Variants in NRXN1 observed in about 807,000 individuals in gnomAD.
NRXN1 encodes neurexin-1.
Under a neutral mutation model 150.9 loss-of-function variants are expected in NRXN1, and 39 were observed. The observed-to-expected ratio is 0.26, with a 90% CI of 0.20 to 0.34. The LOEUF (loss-of-function observed/expected upper bound fraction) is 0.34. Ranked by LOEUF, NRXN1 falls within the 10% of genes least tolerant of loss-of-function variation. NRXN1 has a pLI of 1.00. For synonymous variants in NRXN1, 924 were observed against 757.0 expected, an observed-to-expected ratio of 1.22 and a Z score of -3.62; for missense variants, 1,815 against 1,949.9, an observed-to-expected ratio of 0.93 and a Z score of 1.30.
intron 22 of NRXN1, among the ~76,000 whole-genome samples, chr2:49,926,652 AGT>A (rs894799777): frequency 2.0e-5 from 3 of 152,244 alleles, no homozygotes; most frequent in African/African-American, 4.8e-5. Context: ...TCCATTAAAA[AGT>A]AAAAAAAAAT....
At chr2:50,850,380 A>T (rs1674344632) in intron 5 of NRXN1, among the ~76,000 whole-genome samples, 1 of 152,212 alleles carries the variant, frequency 6.6e-6, no homozygotes, top group Non-Finnish European at 1.5e-5. Context: ...TTGGTGGTCA[A>T]AATATTTTTC....
At chr2:50,562,300 ATAGAT>A (rs1240441612) in intron 8 of NRXN1, among the ~76,000 whole-genome samples, 2 of 151,476 alleles carry the variant, frequency 1.3e-5, no homozygotes, top group East Asian at 1.9e-4. Context: ...TGTATTATAG[ATAGAT>A]TAGACAAATA....
chr2:49,997,517 G>GT (rs899456556), intron 21 of NRXN1, among the ~76,000 whole-genome samples: 3 of 152,028 alleles, frequency 2.0e-5, no homozygotes, highest in African/African-American at 7.2e-5. Flanking sequence ...AAGTTTCTTG[G>GT]TTTTTGAAAT....
At chr2:50,115,184 T>C (rs1175031310) in intron 18 of NRXN1, among the ~76,000 whole-genome samples, 2 of 142,520 alleles carry the variant, frequency 1.4e-5, no homozygotes, top group Non-Finnish European at 3.1e-5. Flanking sequence ...CTCTAAAGAA[T>C]AAAACTTACA....
At chr2:50,600,166 C>A (rs59198531) in intron 8 of NRXN1, among the ~76,000 whole-genome samples, 4,067 of 151,918 alleles carry the variant, frequency 0.027, 121 homozygotes, top group East Asian at 0.072. Flanking sequence ...AATAAGGATG[C>A]ACATAATGTA....
intron 5 of NRXN1, among the ~76,000 whole-genome samples, chr2:50,791,176 A>G (rs1024910241): frequency 5.3e-5 from 8 of 151,244 alleles, no homozygotes; most frequent in African/African-American, 1.9e-4. Flanking sequence ...TGTAACTAAG[A>G]GTGAAATCTT....
chr2:50,562,995 T>G (rs1439857246), intron 8 of NRXN1, among the ~76,000 whole-genome samples: 1 of 152,050 alleles, frequency 6.6e-6, no homozygotes, highest in Non-Finnish European at 1.5e-5. Flanking sequence ...TTTCGCACGT[T>G]TTTTCCTTAT....
In NRXN1 at chr2:50,897,932, AAACAT is replaced by A. The variant is rs750910164; in HGVS notation, c.832+23932_832+23936del. Among the ~76,000 whole-genome samples, 319 of 130,962 alleles carry A rather than the reference AAACAT, an allele frequency of 2.4e-3. 1 individual carries two copies. Among genetic ancestry groups the A allele is most frequent in the African/African-American group, 7.2e-3 (280 of 38,894 alleles). 85.9% of individuals were successfully genotyped at this position (130,962 alleles called of 152,430 possible). Reference sequence around the variant, plus strand: ...CATAAAATTGATGATAGCAAAAACAAAACATAATAGTCATAATTGATCAGAATGGA... The same window carrying A: ...CATAAAATTGATGATAGCAAAAACAAAATAGTCATAATTGATCAGAATGGA... On this transcript the variant is annotated intron_variant, in intron 5 of 22. Transcript: ENST00000401669.
At chr2:50,844,152 T>G (rs1372073222) in intron 5 of NRXN1, among the ~76,000 whole-genome samples, 3 of 152,130 alleles carry the variant, frequency 2.0e-5, no homozygotes, top group Admixed American at 6.5e-5. Context: ...GGGTGTCTGG[T>G]GAGCAGGCAC....
At chr2:50,706,159 A>G (rs1267608393) in intron 5 of NRXN1, among the ~76,000 whole-genome samples, 1 of 152,114 alleles carries the variant, frequency 6.6e-6, no homozygotes, top group African/African-American at 2.4e-5. Flanking sequence ...ATTTTACAAA[A>G]ACTATGGTTA....
At chr2:50,337,866 T>C (rs1161315511) in intron 17 of NRXN1, among the ~76,000 whole-genome samples, 2 of 152,204 alleles carry the variant, frequency 1.3e-5, no homozygotes, top group African/African-American at 2.4e-5. Flanking sequence ...ATGTTAACAG[T>C]ACAAATAGAC....
At chr2:50,583,415 A>G (rs1027003921) in intron 8 of NRXN1, among the ~76,000 whole-genome samples, 1 of 152,134 alleles carries the variant, frequency 6.6e-6, no homozygotes, top group Non-Finnish European at 1.5e-5. Context: ...ACCGTTCCCT[A>G]AAATCCTCCT....
intron 21 of NRXN1, among the ~76,000 whole-genome samples, chr2:50,021,360 G>A (rs752860693): frequency 5.9e-5 from 9 of 152,152 alleles, no homozygotes; most frequent in Non-Finnish European, 1.2e-4. Flanking sequence ...TATATAGCTA[G>A]TATAGCAGGA....
intron 2 of NRXN1, among the ~76,000 whole-genome samples, chr2:50,936,207 C>T (rs1329875315): frequency 6.6e-6 from 1 of 152,184 alleles, no homozygotes; most frequent in African/African-American, 2.4e-5. Flanking sequence ...GCACCATGCT[C>T]TAACCAACTG....
At chr2:50,573,359 T>G (rs1670937557) in intron 8 of NRXN1, among the ~76,000 whole-genome samples, 1 of 115,170 alleles carries the variant, frequency 8.7e-6, no homozygotes. Context: ...AGACACTCTG[T>G]CTTTAAAAAA....
rs201243629 is a variant in NRXN1, at chr2:50,497,589, T to C, written c.2623A>G (p.Asn875Asp). 16 of 1,613,782 alleles carry C rather than the reference T, an allele frequency of 9.9e-6. No homozygotes were observed. The highest frequency in any genetic ancestry group is 1.3e-5 in the Non-Finnish European group (15 of 1,179,862). ...FIGHLQSLTF[N>D]GMAYIDLCKN... ...CACAGGTCAATGTATGCCATTCCATTAAATGTCAAGCTCTGCAGGTGTCCA... is the reference window on the plus strand; with the variant it reads ...CACAGGTCAATGTATGCCATTCCATCAAATGTCAAGCTCTGCAGGTGTCCA... The change falls in exon 14 of 23, where the codon AAT becomes GAT. Residue 875 changes from asparagine (N) to aspartate (D), a missense_variant. Physicochemically the swap from Asn to Asp is conservative, Grantham distance 23. Transcript: ENST00000401669.
intron 5 of NRXN1, among the ~76,000 whole-genome samples, chr2:50,720,933 G>C (rs1696557816): frequency 6.6e-6 from 1 of 152,122 alleles, no homozygotes; most frequent in South Asian, 2.1e-4. Context: ...TACTGCAGCT[G>C]TTAGGACTGA....
At chr2:50,016,029 T>G (rs1278883315) in intron 21 of NRXN1, among the ~76,000 whole-genome samples, 2 of 152,198 alleles carry the variant, frequency 1.3e-5, no homozygotes, top group African/African-American at 2.4e-5. Context: ...TGCAGTTTAG[T>G]TCTCTTTGCC....
intron 5 of NRXN1, among the ~76,000 whole-genome samples, chr2:50,708,517 C>T (rs1309240583): frequency 1.3e-5 from 2 of 152,076 alleles, no homozygotes; most frequent in Admixed American, 6.6e-5. Context: ...ACTTAAAGTA[C>T]CTGGTAAAAG....
Sources: gnomAD v4.1 joint callset for allele counts (sites outside exome capture counted in the v4.1 genomes callset) on GRCh38, gnomAD v4.1.1 for gene constraint, MANE v1.5 for transcripts, NCBI Gene and HGNC (gene_info 2026-07-23, HGNC 2026-07-21) for gene names.